CSMD3: variants seen among roughly 807,000 people sequenced by gnomAD.
CSMD3 encodes the protein CUB and Sushi multiple domains 3, also known as CUB and sushi domain-containing protein 3.
CSMD3 carries 177 observed loss-of-function variants against 435.2 expected under a neutral mutation model. The ratio of observed to expected loss-of-function variants is 0.41; its 90% CI spans 0.36 to 0.46. The LOEUF (loss-of-function observed/expected upper bound fraction) is 0.46. CSMD3 is among the 20% of genes least tolerant of loss of function. The probability of loss-of-function intolerance (pLI) is 0.34; values close to 1 mark genes in which losing one functional copy is unlikely to be tolerated. For missense variants in CSMD3, 4,265 were observed against 4,504.6 expected (o/e 0.95, Z 1.52); for synonymous variants, 1,656 against 1,520.5 (o/e 1.09, Z -2.07).
chr8:112,439,692 A>G (rs1434004614), intron 32 of CSMD3, among the ~76,000 whole-genome samples: 1 of 152,166 alleles, frequency 6.6e-6, no homozygotes, highest in African/African-American at 2.4e-5. Context: ...GGCAGGAGAA[A>G]GCAAACACAT....
rs542139152 is a variant in CSMD3 at position 113,425,875 on chromosome 8, C to G, written c.178+10802G>C. Among the ~76,000 whole-genome samples, 162 of 151,546 alleles carry G rather than the reference C, an allele frequency of 1.1e-3. 2 individuals are homozygous for G. Among genetic ancestry groups the G allele is most frequent in the Admixed American group, 2.4e-3 (36 of 15,202 alleles). Reference sequence around the variant, plus strand: ...AACTAGGAAGCCGAAAGTTGGCACACAAATTAGCAGCCTGGATGCAAATTT... The same window carrying G: ...AACTAGGAAGCCGAAAGTTGGCACAGAAATTAGCAGCCTGGATGCAAATTT... On this transcript the variant is annotated intron_variant, in intron 1 of 70. Coordinates refer to ENST00000297405, the MANE Select transcript of CSMD3 (RefSeq NM_198123.2).
chr8:113,222,606 T>C (rs2092981367), intron 3 of CSMD3, among the ~76,000 whole-genome samples: 1 of 151,158 alleles, frequency 6.6e-6, no homozygotes, highest in Non-Finnish European at 1.5e-5. Flanking sequence ...TACATGGTTA[T>C]CTTATATGCT....
chr8:112,817,767 A>C (rs185818580), intron 12 of CSMD3, among the ~76,000 whole-genome samples: 1 of 152,176 alleles, frequency 6.6e-6, no homozygotes, highest in Non-Finnish European at 1.5e-5. Context: ...TGTGAGTTTA[A>C]ATTTGCAGTT....
intron 1 of CSMD3, among the ~76,000 whole-genome samples, chr8:113,357,479 G>A (rs552573188): frequency 6.6e-6 from 1 of 152,240 alleles, no homozygotes; most frequent in East Asian, 1.9e-4. Flanking sequence ...TATTTTAATT[G>A]TGTTTAATTT....
At chr8:112,902,017 A>AT (rs1347712607) in intron 10 of CSMD3, among the ~76,000 whole-genome samples, 1 of 151,272 alleles carries the variant, frequency 6.6e-6, no homozygotes, top group African/African-American at 2.4e-5. Context: ...GAATGCCCAT[A>AT]TAATGTCAAA....
At chr8:112,404,702 T>C (rs1003699399) in intron 35 of CSMD3, among the ~76,000 whole-genome samples, 6 of 152,062 alleles carry the variant, frequency 3.9e-5, no homozygotes, top group Admixed American at 2.6e-4. Flanking sequence ...AAAATAAGAA[T>C]GGCAAATATA....
intron 3 of CSMD3, among the ~76,000 whole-genome samples, chr8:113,184,397 CT>C (rs1356585801): frequency 6.6e-6 from 1 of 151,922 alleles, no homozygotes; most frequent in Non-Finnish European, 1.5e-5. Context: ...AATCTCAATC[CT>C]CTACTCCTGT....
At chr8:113,012,873 A>G (rs2086307701) in intron 6 of CSMD3, among the ~76,000 whole-genome samples, 1 of 152,016 alleles carries the variant, frequency 6.6e-6, no homozygotes, top group Non-Finnish European at 1.5e-5. Flanking sequence ...CCTCCACCCT[A>G]TCCTTAGAAT....
chr8:112,373,016 A>T (rs1241418424), intron 38 of CSMD3, among the ~76,000 whole-genome samples: 2 of 117,074 alleles, frequency 1.7e-5, no homozygotes. Flanking sequence ...ATATATATAT[A>T]TATATATTTT....
In CSMD3 at chr8:112,899,599, T is replaced by TTATATA. The variant is rs71309794; in HGVS notation, c.1633+22022_1633+22027dup. Reference sequence around the variant, plus strand: ...TAACCCAAAATTTTGCTTGTCTATTTTATATATATATATATATATATATAT... The same window carrying TTATATA: ...TAACCCAAAATTTTGCTTGTCTATTTTATATATATATATATATATATATATATATAT... On this transcript the variant is annotated intron_variant, in intron 10 of 70. Coordinates refer to ENST00000297405, the MANE Select transcript of CSMD3 (RefSeq NM_198123.2). Among the ~76,000 whole-genome samples, 513 of 99,968 alleles carry TTATATA rather than the reference T, an allele frequency of 5.1e-3. 1 individual carries two copies. The highest frequency in any genetic ancestry group is 7.4e-3 in the South Asian group (21 of 2,826). The allele number at this position is 99,968 out of a possible 152,430, so 65.6% of individuals were successfully genotyped here. A position where few individuals can be genotyped will look rare whatever the true frequency, so the allele number is the denominator to read the frequency against.
At chr8:112,325,975 A>G (rs1823469702) in intron 45 of CSMD3, among the ~76,000 whole-genome samples, 2 of 152,194 alleles carry the variant, frequency 1.3e-5, no homozygotes, top group African/African-American at 4.8e-5. Flanking sequence ...TTCAATAAGA[A>G]TAAACCACTA....
At chr8:112,461,243 T>C (rs1817415398) in intron 32 of CSMD3, among the ~76,000 whole-genome samples, 2 of 152,142 alleles carry the variant, frequency 1.3e-5, no homozygotes, top group Non-Finnish European at 2.9e-5. Context: ...AGACTCCGCC[T>C]GTGGCATGCT....
In CSMD3 at chr8:112,675,020, T is replaced by C. The variant is rs531360178; in HGVS notation, c.2677+7422A>G. Among the ~76,000 whole-genome samples, 10 of 152,216 alleles carry C rather than the reference T, an allele frequency of 6.6e-5. No individual in the cohort carries two copies. The South Asian group carries it at 1.0e-3, about 16-fold the overall frequency. On this transcript the variant is annotated intron_variant, in intron 16 of 70. Coordinates refer to ENST00000297405, the MANE Select transcript of CSMD3 (RefSeq NM_198123.2). Reference sequence around the variant, plus strand: ...GGAAGTGGGATGGCAGAGGTTATGATTGAGATAAAAGAATCAGCTAGAACC... The same window carrying C: ...GGAAGTGGGATGGCAGAGGTTATGACTGAGATAAAAGAATCAGCTAGAACC...
At chr8:112,692,911 TTATA>T (rs1225475046) in intron 13 of CSMD3, among the ~76,000 whole-genome samples, 18 of 144,094 alleles carry the variant, frequency 1.2e-4, no homozygotes, top group Non-Finnish European at 2.4e-4. Flanking sequence ...AAATTAATCT[TTATA>T]TCTATCTATC....
At chr8:112,930,169 G>A (rs1369645652) in intron 9 of CSMD3, among the ~76,000 whole-genome samples, 1 of 151,962 alleles carries the variant, frequency 6.6e-6, no homozygotes, top group Admixed American at 6.6e-5. Context: ...CATACAATAC[G>A]CCTCTTTAAG....
chr8:112,372,414 T>G (rs987630765), intron 38 of CSMD3, among the ~76,000 whole-genome samples: 16 of 152,022 alleles, frequency 1.1e-4, no homozygotes, highest in African/African-American at 3.9e-4. Flanking sequence ...AAGACCAAGG[T>G]GTAGAAAGGG....
chr8:113,248,472 T>C (rs1459544588), intron 3 of CSMD3, among the ~76,000 whole-genome samples: 2 of 137,212 alleles, frequency 1.5e-5, no homozygotes, highest in African/African-American at 2.7e-5. Flanking sequence ...GTGTGTGATA[T>C]ATATGTATAT....
At chr8:112,617,106 C>G (rs1328552318) in intron 22 of CSMD3, among the ~76,000 whole-genome samples, 1 of 152,132 alleles carries the variant, frequency 6.6e-6, no homozygotes, top group Non-Finnish European at 1.5e-5. Flanking sequence ...TCAGGACACT[C>G]ATTGGATAGT....
intron 5 of CSMD3, among the ~76,000 whole-genome samples, chr8:113,093,993 A>C (rs111407192): frequency 8.5e-5 from 13 of 152,208 alleles, no homozygotes; most frequent in African/African-American, 3.1e-4. Context: ...TTCAAACTAT[A>C]TATCATAATT....
Sources: gnomAD v4.1 joint callset for allele counts (sites outside exome capture counted in the v4.1 genomes callset) on GRCh38, gnomAD v4.1.1 for gene constraint, MANE v1.5 for transcripts, NCBI Gene and HGNC (gene_info 2026-07-23, HGNC 2026-07-21) for gene names.